The following FAM241A variants were observed in gnomAD, a reference collection of about 807,000 sequenced individuals.
The protein encoded by FAM241A is uncharacterized protein FAM241A.
A neutral mutation model predicts 12.2 loss-of-function variants in FAM241A; 7 were observed. That is an observed-to-expected ratio of 0.58 (90% CI 0.33 to 1.08). FAM241A has a LOEUF of 1.08. Among genes scored for constraint, FAM241A ranks in the 50% least tolerant of loss-of-function variants. The pLI is 0.04. For synonymous variants in FAM241A, 74 were observed against 68.2 expected (o/e 1.08, Z -0.42); for missense variants, 161 against 169.7 (o/e 0.95, Z 0.29).
chr4:112,187,161 G>A lies in FAM241A; in HGVS notation c.*223G>A, dbSNP rs986481447. On this transcript the variant is annotated 3_prime_UTR_variant, in exon 2 of 2. Coordinates refer to ENST00000309733, the MANE Select transcript of FAM241A (RefSeq NM_152400.3). Reference sequence around the variant, plus strand: ...ATACATTAGCTTATTCAAAACTCTTGTTTCACTACTGTGATCTCTGTCTCC... The same window carrying A: ...ATACATTAGCTTATTCAAAACTCTTATTTCACTACTGTGATCTCTGTCTCC... 1 of 515,802 alleles carries A rather than the reference G, an allele frequency of 1.9e-6. No individual in the cohort carries two copies. 32.0% of individuals were successfully genotyped at this position (515,802 alleles called of 1,614,324 possible). A position where few individuals can be genotyped will look rare whatever the true frequency, so the allele number is the denominator to read the frequency against.
rs1245440680 is a variant in FAM241A at position 112,193,909 on chromosome 4, AT to A, written c.*6972del. The stretch of plus-strand genomic sequence containing the variant: ...GAAAGTCATTGGTAGCTTGATGGGG[AT>A]GGCATTGAATCTATAAATTACCTTG... On this transcript the variant is annotated 3_prime_UTR_variant, in exon 2 of 2. Coordinates refer to ENST00000309733, the MANE Select transcript of FAM241A (RefSeq NM_152400.3). 6.8e-6 allele frequency: 1 copy of A among 148,060 alleles called. No homozygotes were observed. The highest frequency in any genetic ancestry group is 1.5e-5 in the Non-Finnish European group (1 of 67,150). The allele number at this position is 148,060 out of a possible 1,614,324, so 9.2% of individuals were successfully genotyped here. A position where few individuals can be genotyped will look rare whatever the true frequency, so the allele number is the denominator to read the frequency against.
Position 112,192,942 on chromosome 4 carries a change from A to G in FAM241A, c.*6004A>G, listed in dbSNP as rs1309222697. 1 of 148,764 alleles carries G rather than the reference A, an allele frequency of 6.7e-6. No homozygotes were observed. Among genetic ancestry groups the G allele is most frequent in the Non-Finnish European group, 1.5e-5 (1 of 66,496 alleles). The allele number at this position is 148,764 out of a possible 1,614,324, so 9.2% of individuals were successfully genotyped here. A position where few individuals can be genotyped will look rare whatever the true frequency, so the allele number is the denominator to read the frequency against. ...GCCACACTGACTTCCACAATGGTTG[A>G]ACTAGTTTACAGTCCCACCAACAGT... On this transcript the variant is annotated 3_prime_UTR_variant, in exon 2 of 2. Transcript: ENST00000309733.
In FAM241A at chr4:112,187,059, T is replaced by C. The variant is rs1724062976; in HGVS notation, c.*121T>C. On this transcript the variant is annotated 3_prime_UTR_variant, in exon 2 of 2. Transcript: ENST00000309733. ...TGTTTCAAATCATGTGCTGGCTGTTTTGTAAGTAAATTTATACATGGATGT... is the reference window on the plus strand; with the variant it reads ...TGTTTCAAATCATGTGCTGGCTGTTCTGTAAGTAAATTTATACATGGATGT... 1.8e-6 allele frequency: 2 copies of C among 1,116,724 alleles called. No individual in the cohort carries two copies. Among genetic ancestry groups the C allele is most frequent in the Admixed American group, 2.3e-5 (1 of 43,188 alleles). 69.2% of individuals were successfully genotyped at this position (1,116,724 alleles called of 1,614,324 possible). A position where few individuals can be genotyped will look rare whatever the true frequency, so the allele number is the denominator to read the frequency against.
At chr4:112,171,453 A>C (rs1195202102) in intron 1 of FAM241A, 5 of 778,640 alleles carry the variant, frequency 6.4e-6, no homozygotes, top group African/African-American at 1.7e-5. Context: ...ATCTAAGAGA[A>C]TGCTGGCTAT....
rs1350764515 is a variant in FAM241A at position 112,191,397 on chromosome 4, T to A, written c.*4459T>A. 2 of 152,236 alleles carry A rather than the reference T, an allele frequency of 1.3e-5. No individual in the cohort carries two copies. Among genetic ancestry groups the A allele is most frequent in the Admixed American group, 6.5e-5 (1 of 15,286 alleles). 9.4% of individuals were successfully genotyped at this position (152,236 alleles called of 1,614,324 possible). On this transcript the variant is annotated 3_prime_UTR_variant, in exon 2 of 2. Coordinates refer to ENST00000309733, the MANE Select transcript of FAM241A (RefSeq NM_152400.3). ...CTAAAGAATTATTCTAACATGATTC[T>A]GATATCCTTGACCTAAATCTTTTCA... is the stretch of plus-strand genomic sequence containing the variant.
Position 112,189,547 on chromosome 4 carries a change from G to A in FAM241A, c.*2609G>A, listed in dbSNP as rs1191586767. On this transcript the variant is annotated 3_prime_UTR_variant, in exon 2 of 2. Coordinates refer to ENST00000309733, the MANE Select transcript of FAM241A (RefSeq NM_152400.3). Reference sequence around the variant, plus strand: ...GCCAGTAATTCAAAAGAAAAAGGTCGAAGTCTACAAATAAACAGACTGTAG... The same window carrying A: ...GCCAGTAATTCAAAAGAAAAAGGTCAAAGTCTACAAATAAACAGACTGTAG... The A allele has an allele frequency of 1.3e-5, 2 of 152,024 alleles. No homozygotes were observed. The highest frequency in any genetic ancestry group is 2.1e-4 in the South Asian group (1 of 4,818). The allele number at this position is 152,024 out of a possible 1,614,324, so 9.4% of individuals were successfully genotyped here.
At chr4:112,155,990 C>T (rs1723346248) in intron 1 of FAM241A, among the ~76,000 whole-genome samples, 1 of 152,078 alleles carries the variant, frequency 6.6e-6, no homozygotes, top group South Asian at 2.1e-4. Context: ...TAGTAAGTTG[C>T]AGAGTTGAGA....
At position 112,190,055 on chromosome 4, in the gene FAM241A, T is replaced by TA. The variant is rs753751060; in HGVS notation, c.*3118dup. ...CCTTGTGGGTATTATGGTTCATGGT[T>TA]ATCTTCTGACCAACAAATCTCTATT... is the stretch of plus-strand genomic sequence containing the variant. On this transcript the variant is annotated 3_prime_UTR_variant, in exon 2 of 2. Transcript: ENST00000309733. The TA allele has an allele frequency of 6.6e-6, 1 of 152,218 alleles. No homozygotes were observed. The highest frequency in any genetic ancestry group is 1.5e-5 in the Non-Finnish European group (1 of 68,044). The allele number at this position is 152,218 out of a possible 1,614,324, so 9.4% of individuals were successfully genotyped here.
At position 112,191,077 on chromosome 4, in the gene FAM241A, G is replaced by A. The variant is rs562024425; in HGVS notation, c.*4139G>A. The A allele has an allele frequency of 2.0e-5, 3 of 152,192 alleles. No individual in the cohort carries two copies. Among genetic ancestry groups the A allele is most frequent in the South Asian group, 2.1e-4 (1 of 4,818 alleles). The allele number at this position is 152,192 out of a possible 1,614,324, so 9.4% of individuals were successfully genotyped here. A position where few individuals can be genotyped will look rare whatever the true frequency, so the allele number is the denominator to read the frequency against. On this transcript the variant is annotated 3_prime_UTR_variant, in exon 2 of 2. Transcript: ENST00000309733. Reference sequence around the variant, plus strand: ...TACCCAAGACTCAGCGTGTCCAAACGAGCGCAGCATCCTTCTCCCAAATCT... The same window carrying A: ...TACCCAAGACTCAGCGTGTCCAAACAAGCGCAGCATCCTTCTCCCAAATCT...
intron 1 of FAM241A, among the ~76,000 whole-genome samples, chr4:112,182,140 G>A (rs1236230528): frequency 1.3e-5 from 2 of 151,892 alleles, no homozygotes; most frequent in African/African-American, 4.8e-5. Context: ...GAGAGGGAGG[G>A]GGTCAAGAAT....
rs1387653399 is a variant in FAM241A, at chr4:112,193,780, A to G, written c.*6842A>G. The G allele has an allele frequency of 2.6e-5, 4 of 151,690 alleles. No homozygotes were observed. The highest frequency in any genetic ancestry group is 5.9e-5 in the Non-Finnish European group (4 of 67,910). The allele number at this position is 151,690 out of a possible 1,614,324, so 9.4% of individuals were successfully genotyped here. A position where few individuals can be genotyped will look rare whatever the true frequency, so the allele number is the denominator to read the frequency against. On this transcript the variant is annotated 3_prime_UTR_variant, in exon 2 of 2. Coordinates refer to ENST00000309733, the MANE Select transcript of FAM241A (RefSeq NM_152400.3). ...GTAGTATAGTTTGAAGTCAGGTAGC[A>G]TGATGCCTCCAGCTTTGTTCTTTTG...
chr4:112,145,953 C>G (rs112713401), intron 1 of FAM241A, among the ~76,000 whole-genome samples: 2,881 of 151,984 alleles, frequency 0.019, 79 homozygotes, highest in African/African-American at 0.057. Flanking sequence ...GCGCCGGCCC[C>G]GGGGTCGCGT....
At chr4:112,162,148 T>A (rs1038633864) in intron 1 of FAM241A, among the ~76,000 whole-genome samples, 2 of 152,210 alleles carry the variant, frequency 1.3e-5, no homozygotes, top group African/African-American at 4.8e-5. Flanking sequence ...TAGGTATTGA[T>A]GGGACGTATC....
chr4:112,180,822 T>A (rs1169674867), intron 1 of FAM241A, among the ~76,000 whole-genome samples: 2 of 152,118 alleles, frequency 1.3e-5, no homozygotes, highest in Non-Finnish European at 2.9e-5. Context: ...TAGGAAGAAA[T>A]TCAGTCCTGC....
chr4:112,175,663 G>A (rs1295800807), intron 1 of FAM241A, among the ~76,000 whole-genome samples: 1 of 152,012 alleles, frequency 6.6e-6, no homozygotes, highest in Non-Finnish European at 1.5e-5. Context: ...AGCTACTCAG[G>A]AGGCTGAGGC....
chr4:112,192,156 A>C lies in FAM241A; in HGVS notation c.*5218A>C, dbSNP rs1158877771. 2.0e-5 allele frequency: 3 copies of C among 152,178 alleles called. No homozygotes were observed. Among genetic ancestry groups the C allele is most frequent in the Non-Finnish European group, 4.4e-5 (3 of 68,036 alleles). The allele number at this position is 152,178 out of a possible 1,614,324, so 9.4% of individuals were successfully genotyped here. A position where few individuals can be genotyped will look rare whatever the true frequency, so the allele number is the denominator to read the frequency against. ...ATACTGCTGTTATTTGGATACATAC[A>C]CAGTATTTCCACTATACACTTGTGT... On this transcript the variant is annotated 3_prime_UTR_variant, in exon 2 of 2. Transcript: ENST00000309733.
chr4:112,160,805 A>T (rs1723448774), intron 1 of FAM241A, among the ~76,000 whole-genome samples: 1 of 152,224 alleles, frequency 6.6e-6, no homozygotes, highest in Non-Finnish European at 1.5e-5. Flanking sequence ...TACACTAGGG[A>T]AAAGACAGTC....
chr4:112,170,238 T>C (rs1723689040), intron 1 of FAM241A, among the ~76,000 whole-genome samples: 1 of 152,194 alleles, frequency 6.6e-6, no homozygotes, highest in East Asian at 1.9e-4. Flanking sequence ...TTTTAGTTAT[T>C]AAGCACATAC....
At chr4:112,154,095 A>G (rs1449455287) in intron 1 of FAM241A, among the ~76,000 whole-genome samples, 4 of 152,192 alleles carry the variant, frequency 2.6e-5, no homozygotes, top group Admixed American at 2.6e-4. Context: ...AAATTCCATC[A>G]GTCTGACTGA....
Sources: gnomAD v4.1 joint callset for allele counts (sites outside exome capture counted in the v4.1 genomes callset) on GRCh38, gnomAD v4.1.1 for gene constraint, MANE v1.5 for transcripts, NCBI Gene and HGNC (gene_info 2026-07-23, HGNC 2026-07-21) for gene names.